The following PAFAH1B1 variants were observed in gnomAD, a reference collection of about 807,000 sequenced individuals.
PAFAH1B1 encodes the protein platelet-activating factor acetylhydrolase IB subunit beta.
Under a neutral mutation model 57.5 loss-of-function variants are expected in PAFAH1B1, and 2 were observed. The ratio of observed to expected loss-of-function variants is 0.03; its 90% CI spans 0.01 to 0.11. The LOEUF is 0.11. Ranked by LOEUF, PAFAH1B1 falls within the 10% of genes least tolerant of loss-of-function variation. The pLI is 1.00. For synonymous variants in PAFAH1B1, 152 were observed against 169.6 expected, an observed-to-expected ratio of 0.90 and a Z score of 0.81; for missense variants, 257 against 512.0, an observed-to-expected ratio of 0.50 and a Z score of 4.81.
chr17:2,642,905 C>T (rs1458392159), intron 2 of PAFAH1B1, among the ~76,000 whole-genome samples: 1 of 152,082 alleles, frequency 6.6e-6, no homozygotes, highest in East Asian at 1.9e-4. Context: ...AAACCATTAT[C>T]TATAGAAAAA....
At chr17:2,619,976 A>C (rs190660345) in intron 1 of PAFAH1B1, among the ~76,000 whole-genome samples, 2 of 151,958 alleles carry the variant, frequency 1.3e-5, no homozygotes, top group Non-Finnish European at 2.9e-5. Flanking sequence ...TTCTTTGTGG[A>C]GATGTGGTCT....
At chr17:2,611,425 G>A (rs985118912) in intron 1 of PAFAH1B1, among the ~76,000 whole-genome samples, 2 of 151,562 alleles carry the variant, frequency 1.3e-5, no homozygotes, top group South Asian at 2.1e-4. Context: ...CCGAGATCAC[G>A]CCATTGCACT....
At chr17:2,635,953 C>CAAAAAAAA (rs560825633) in intron 1 of PAFAH1B1, among the ~76,000 whole-genome samples, 2 of 70,860 alleles carry the variant, frequency 2.8e-5, no homozygotes, top group Non-Finnish European at 6.3e-5. Context: ...TAGAAAAATA[C>CAAAAAAAA]AAAAAAAAAA....
chr17:2,658,776 G>C (rs1197259063), intron 2 of PAFAH1B1, among the ~76,000 whole-genome samples: 1 of 152,176 alleles, frequency 6.6e-6, no homozygotes, highest in Non-Finnish European at 1.5e-5. Flanking sequence ...GTTAAATCCT[G>C]AACTACCTTT....
At chr17:2,663,479 C>A (rs1046222244) in intron 2 of PAFAH1B1, among the ~76,000 whole-genome samples, 1 of 151,980 alleles carries the variant, frequency 6.6e-6, no homozygotes, top group African/African-American at 2.4e-5. Flanking sequence ...CCTCAACCTG[C>A]CAGGCTCAAG....
At chr17:2,625,877 G>A (rs2068482918) in intron 1 of PAFAH1B1, among the ~76,000 whole-genome samples, 1 of 152,164 alleles carries the variant, frequency 6.6e-6, no homozygotes, top group African/African-American at 2.4e-5. Flanking sequence ...GTTAGAGGCT[G>A]CAGTGAGCTA....
chr17:2,653,016 A>G (rs2151646800), intron 2 of PAFAH1B1, among the ~76,000 whole-genome samples: 1 of 152,354 alleles, frequency 6.6e-6, no homozygotes, highest in East Asian at 1.9e-4. Context: ...ACTTGGAACC[A>G]ACCCAGATGT....
intron 8 of PAFAH1B1, among the ~76,000 whole-genome samples, chr17:2,675,527 TGTG>T (rs2069248644): frequency 6.6e-6 from 1 of 151,978 alleles, no homozygotes; most frequent in Non-Finnish European, 1.5e-5. Context: ...TTGATTCTGG[TGTG>T]GTGGCTCACG....
At chr17:2,595,016 C>T (rs951899346) in intron 1 of PAFAH1B1, among the ~76,000 whole-genome samples, 1 of 152,136 alleles carries the variant, frequency 6.6e-6, no homozygotes, top group African/African-American at 2.4e-5. Flanking sequence ...CAAGAAACTC[C>T]TTGGGAAGAG....
chr17:2,642,899 C>G (rs576354084), intron 2 of PAFAH1B1, among the ~76,000 whole-genome samples: 1 of 152,128 alleles, frequency 6.6e-6, no homozygotes, highest in Admixed American at 6.6e-5. Flanking sequence ...ATATATAAAC[C>G]ATTATCTATA....
At chr17:2,675,600 G>C (rs999877152) in intron 8 of PAFAH1B1, among the ~76,000 whole-genome samples, 10 of 151,508 alleles carry the variant, frequency 6.6e-5, no homozygotes, top group African/African-American at 2.4e-4. Context: ...CCAGGAGTTT[G>C]AGCAACATAG....
intron 2 of PAFAH1B1, among the ~76,000 whole-genome samples, chr17:2,647,516 GAC>G (rs2151641516): frequency 6.6e-6 from 1 of 152,146 alleles, no homozygotes; most frequent in Non-Finnish European, 1.5e-5. Flanking sequence ...CAGCCTGGGT[GAC>G]AGAGTGAGAC....
intron 1 of PAFAH1B1, among the ~76,000 whole-genome samples, chr17:2,594,760 G>A (rs960567989): frequency 6.6e-6 from 1 of 152,164 alleles, no homozygotes. Context: ...TTAACATTCA[G>A]CTTCGAGGCT....
At chr17:2,641,846 C>A (rs1248024434) in intron 2 of PAFAH1B1, 2 of 152,148 alleles carry the variant, frequency 1.3e-5, no homozygotes, top group African/African-American at 4.8e-5. Context: ...TGTATAAATA[C>A]ATATACTGAC....
At chr17:2,616,289 G>A (rs2068339484) in intron 1 of PAFAH1B1, among the ~76,000 whole-genome samples, 1 of 152,162 alleles carries the variant, frequency 6.6e-6, no homozygotes, top group Non-Finnish European at 1.5e-5. Flanking sequence ...TACTACTGCT[G>A]GAGTATGGCA....
At chr17:2,621,721 G>GC (rs57036463) in intron 1 of PAFAH1B1, among the ~76,000 whole-genome samples, 150,995 of 150,998 alleles carry the variant, frequency 1, 75,496 homozygotes, top group Middle Eastern at 1. Context: ...TGCATCCCAG[G>GC]TGTTGCCCTC....
At chr17:2,631,794 A>G (rs1378070116) in intron 1 of PAFAH1B1, among the ~76,000 whole-genome samples, 1 of 152,122 alleles carries the variant, frequency 6.6e-6, no homozygotes, top group East Asian at 1.9e-4. Context: ...TGGAGCTAAA[A>G]TTCACAGTGC....
chr17:2,642,922 C>G (rs2068715553), intron 2 of PAFAH1B1, among the ~76,000 whole-genome samples: 1 of 152,040 alleles, frequency 6.6e-6, no homozygotes, highest in South Asian at 2.1e-4. Context: ...AAAACATGTA[C>G]CCAGAAGTGT....
intron 1 of PAFAH1B1, among the ~76,000 whole-genome samples, chr17:2,601,408 C>T (rs965453571): frequency 7.3e-5 from 11 of 151,598 alleles, no homozygotes; most frequent in South Asian, 4.2e-4. Context: ...GCTAGGAGTA[C>T]AGGCATGAGC....
Sources: gnomAD v4.1 joint callset for allele counts (sites outside exome capture counted in the v4.1 genomes callset) on GRCh38, gnomAD v4.1.1 for gene constraint, MANE v1.5 for transcripts, NCBI Gene and HGNC (gene_info 2026-07-23, HGNC 2026-07-21) for gene names.